The following CACNA2D1 variants were observed in gnomAD, a reference collection of about 807,000 sequenced individuals.
CACNA2D1 encodes voltage-dependent calcium channel subunit alpha-2/delta-1.
Under a neutral mutation model 171.5 loss-of-function variants are expected in CACNA2D1, and 53 were observed. That is an observed-to-expected ratio of 0.31 (90% confidence interval 0.25 to 0.39). The LOEUF (loss-of-function observed/expected upper bound fraction) is 0.39. Among genes scored for constraint, CACNA2D1 ranks in the 10% least tolerant of loss-of-function variants. CACNA2D1 has a pLI of 1.00. For synonymous variants in CACNA2D1, 442 were observed against 443.1 expected, an observed-to-expected ratio of 1.00 and a Z score of 0.03; for missense variants, 903 against 1,299.8, an observed-to-expected ratio of 0.69 and a Z score of 4.69.
chr7:82,069,824 A>G (rs968181919), intron 7 of CACNA2D1, among the ~76,000 whole-genome samples: 4 of 152,142 alleles, frequency 2.6e-5, no homozygotes, highest in African/African-American at 9.7e-5. Flanking sequence ...TCCCAATTAA[A>G]AAGTTCAAAT....
intron 3 of CACNA2D1, among the ~76,000 whole-genome samples, chr7:82,292,935 T>A (rs1048608510): frequency 6.6e-6 from 1 of 151,838 alleles, no homozygotes; most frequent in East Asian, 1.9e-4. Flanking sequence ...TACAAATATA[T>A]ACACACACAC....
chr7:82,172,436 T>C (rs561692102), intron 3 of CACNA2D1, among the ~76,000 whole-genome samples: 27 of 150,372 alleles, frequency 1.8e-4, no homozygotes, highest in Admixed American at 1.2e-3. Context: ...AATGAGAAAA[T>C]AAGCATGAAG....
intron 19 of CACNA2D1, among the ~76,000 whole-genome samples, 175 bp from the exon 20 acceptor site, chr7:81,995,114 C>G (rs1797910631): frequency 1.3e-5 from 2 of 151,974 alleles, no homozygotes; most frequent in Non-Finnish European, 2.9e-5. Flanking sequence ...TTTTAAGTTA[C>G]CATATTATAG....
chr7:82,397,052 A>C (rs1825819298), intron 1 of CACNA2D1, among the ~76,000 whole-genome samples: 1 of 152,170 alleles, frequency 6.6e-6, no homozygotes, highest in Non-Finnish European at 1.5e-5. Context: ...TTTTCATAAA[A>C]GTTGCATGGT....
intron 6 of CACNA2D1, among the ~76,000 whole-genome samples, chr7:82,110,793 G>C (rs573164809): frequency 6.6e-6 from 1 of 152,232 alleles, no homozygotes; most frequent in East Asian, 1.9e-4. Flanking sequence ...TAGCCACAAG[G>C]CCTTCTCTAT....
intron 1 of CACNA2D1, among the ~76,000 whole-genome samples, chr7:82,379,864 T>TACCC (rs1465383888): frequency 6.6e-6 from 1 of 152,166 alleles, no homozygotes; most frequent in Admixed American, 6.5e-5. Context: ...TTCTTTCTCT[T>TACCC]ACCCTTCCTC....
At chr7:82,270,464 T>C (rs1040387661) in intron 3 of CACNA2D1, among the ~76,000 whole-genome samples, 2 of 152,190 alleles carry the variant, frequency 1.3e-5, no homozygotes, top group East Asian at 1.9e-4. Context: ...TGTGTATGTA[T>C]ACACCTCGGT....
At chr7:82,434,318 T>A (rs1337288899) in intron 1 of CACNA2D1, among the ~76,000 whole-genome samples, 1 of 152,192 alleles carries the variant, frequency 6.6e-6, no homozygotes, top group Non-Finnish European at 1.5e-5. Flanking sequence ...GGCCTAATAT[T>A]AACTTACTAT....
At chr7:82,427,081 C>T (rs1324516033) in intron 1 of CACNA2D1, among the ~76,000 whole-genome samples, 1 of 152,070 alleles carries the variant, frequency 6.6e-6, no homozygotes, top group African/African-American at 2.4e-5. Flanking sequence ...TTCAGGCATC[C>T]ACTGGGGGGT....
At chr7:81,972,411 G>T (rs1795374125) in intron 25 of CACNA2D1, among the ~76,000 whole-genome samples, 1 of 151,656 alleles carries the variant, frequency 6.6e-6, no homozygotes, top group Non-Finnish European at 1.5e-5. Context: ...GGATAATCTT[G>T]GAGTAAATAA....
chr7:82,275,043 G>T (rs1044108432), intron 3 of CACNA2D1, among the ~76,000 whole-genome samples: 1 of 152,098 alleles, frequency 6.6e-6, no homozygotes, highest in Non-Finnish European at 1.5e-5. Flanking sequence ...ATTTGCTCAT[G>T]AACCAATCTC....
At chr7:82,051,482 T>TA (rs371673754) in intron 10 of CACNA2D1, among the ~76,000 whole-genome samples, 1 of 151,952 alleles carries the variant, frequency 6.6e-6, no homozygotes, top group Non-Finnish European at 1.5e-5. Context: ...TTTTTTCTGG[T>TA]AAAAAATCAA....
chr7:82,001,660 T>C, intron 18 of CACNA2D1: 1 of 1,223,502 alleles, frequency 8.2e-7, no homozygotes, highest in Non-Finnish European at 1.1e-6. Flanking sequence ...CACAGTTACC[T>C]GGATATTGGG....
intron 22 of CACNA2D1, 32 bp from the exon 23 acceptor site, chr7:81,983,366 G>T (rs1309473810): frequency 1.3e-6 from 2 of 1,576,782 alleles, no homozygotes; most frequent in East Asian, 2.3e-5. Context: ...AGAAAGCAGG[G>T]AAACAAAAAA....
intron 37 of CACNA2D1, 110 bp from the exon 38 acceptor site, chr7:81,959,467 T>C: frequency 1.2e-6 from 1 of 813,450 alleles, no homozygotes; most frequent in Non-Finnish European, 2.1e-6. Context: ...TTATACATCA[T>C]TACTCTCATC....
chr7:82,288,422 T>TACAC (rs3054677), intron 3 of CACNA2D1, among the ~76,000 whole-genome samples: 47 of 147,378 alleles, frequency 3.2e-4, no homozygotes, highest in Admixed American at 6.9e-4. Context: ...TTTGCTTCTA[T>TACAC]ACACACACAC....
intron 3 of CACNA2D1, among the ~76,000 whole-genome samples, chr7:82,178,868 C>A (rs1268947716): frequency 6.6e-6 from 1 of 152,052 alleles, no homozygotes; most frequent in African/African-American, 2.4e-5. Context: ...TTCACATCTG[C>A]GCACCTCCAG....
intron 4 of CACNA2D1, among the ~76,000 whole-genome samples, chr7:82,154,955 G>A (rs1033196177): frequency 6.6e-6 from 1 of 152,068 alleles, no homozygotes; most frequent in South Asian, 2.1e-4. Flanking sequence ...GGATCATGGG[G>A]CAGTTTCTTA....
intron 1 of CACNA2D1, among the ~76,000 whole-genome samples, chr7:82,431,453 A>G (rs1412366894): frequency 6.6e-6 from 1 of 152,154 alleles, no homozygotes; most frequent in Non-Finnish European, 1.5e-5. Context: ...AGATGGAGAA[A>G]TCAAGGCTGA....
Sources: gnomAD v4.1 joint callset for allele counts (sites outside exome capture counted in the v4.1 genomes callset) on GRCh38, gnomAD v4.1.1 for gene constraint, MANE v1.5 for transcripts, NCBI Gene and HGNC (gene_info 2026-07-23, HGNC 2026-07-21) for gene names.